The following ANO3 variants were observed in gnomAD, a reference collection of about 807,000 sequenced individuals.
ANO3 encodes the protein anoctamin-3.
ANO3 carries 99 observed loss-of-function variants against 144.8 expected under a neutral mutation model. The observed-to-expected ratio is 0.68, with a 90% CI of 0.58 to 0.81. The LOEUF (loss-of-function observed/expected upper bound fraction) is 0.81, where lower values mean the gene tolerates loss of function less well. Ranked by LOEUF, ANO3 falls within the 30% of genes least tolerant of loss-of-function variation. The pLI, the probability that ANO3 is intolerant of heterozygous loss-of-function variation, is 0.00. For synonymous variants in ANO3, 414 were observed against 392.6 expected (o/e 1.05, Z -0.64); for missense variants, 905 against 1,202.2 (o/e 0.75, Z 3.66).
At chr11:26,509,012 C>CTA (rs1025039986) in intron 5 of ANO3, among the ~76,000 whole-genome samples, 62 of 150,930 alleles carry the variant, frequency 4.1e-4, no homozygotes, top group African/African-American at 1.4e-3. Flanking sequence ...AGTAAATTTT[C>CTA]TATATATATA....
At chr11:26,594,495 C>T (rs113725401) in intron 14 of ANO3, among the ~76,000 whole-genome samples, 23,530 of 152,160 alleles carry the variant, frequency 0.15, 2,104 homozygotes, top group East Asian at 0.33. Context: ...TCTGAGAATT[C>T]ACCTAGGTCT....
rs144188167 is a variant in ANO3, at chr11:26,595,112, C to T, written c.1448-3253C>T. On this transcript the variant is annotated intron_variant, in intron 14 of 26. Coordinates refer to ENST00000256737, the MANE Select transcript of ANO3 (RefSeq NM_031418.4). ...TTTCCAATGAGCTTTAGTCCTAGAG[C>T]GTCCTCTATGGTGTTAATGCTTATT... Among the ~76,000 whole-genome samples the T allele has an allele frequency of 3.6e-4, 55 of 152,302 alleles. 1 individual carries two copies. The East Asian group carries it at 4.8e-3, about 13-fold the overall frequency.
At chr11:26,584,387 G>C (rs1851219435) in intron 14 of ANO3, among the ~76,000 whole-genome samples, 1 of 152,128 alleles carries the variant, frequency 6.6e-6, no homozygotes, top group South Asian at 2.1e-4. Context: ...TCCAACTCTT[G>C]ACCTCTGGTG....
chr11:26,234,117 A>T (rs1433966972), intron 1 of ANO3, among the ~76,000 whole-genome samples: 13 of 152,134 alleles, frequency 8.5e-5, no homozygotes, highest in African/African-American at 3.1e-4. Context: ...AAAAAACAAA[A>T]CAAAACAGTA....
At chr11:26,470,804 A>G (rs1859753771) in intron 4 of ANO3, among the ~76,000 whole-genome samples, 1 of 152,014 alleles carries the variant, frequency 6.6e-6, no homozygotes, top group South Asian at 2.1e-4. Context: ...GTATTCATAG[A>G]TTTAAGCCAT....
rs535153264 is a variant in ANO3, at chr11:26,591,873, C to T, written c.1448-6492C>T. ...GGCAGTATCCAGGGTTTGACTTGAG[C>T]GTGATGTATCCAAGACTCCACTCCA... On this transcript the variant is annotated intron_variant, in intron 14 of 26. Transcript: ENST00000256737. 7.2e-5 allele frequency among the ~76,000 whole-genome samples: 11 copies of T among 151,970 alleles called. No homozygotes were observed. In the East Asian group the frequency reaches 1.6e-3, roughly 21 times the overall value.
At chr11:26,531,782 AAATG>A (rs572549040) in intron 8 of ANO3, among the ~76,000 whole-genome samples, 41 of 152,334 alleles carry the variant, frequency 2.7e-4, no homozygotes, top group Non-Finnish European at 5.3e-4. Context: ...TATTAAACTA[AAATG>A]AATGATAATT....
At chr11:26,544,231 T>C (rs1469166693) in intron 11 of ANO3, among the ~76,000 whole-genome samples, 1 of 123,852 alleles carries the variant, frequency 8.1e-6, no homozygotes, top group Non-Finnish European at 1.7e-5. Flanking sequence ...TTTTTTAAGG[T>C]TAAGTAGTAT....
intron 14 of ANO3, chr11:26,565,586 T>C (rs293980): frequency 0.74 from 1,191,817 of 1,613,086 alleles, 442,911 homozygotes; most frequent in Admixed American, 0.84. Flanking sequence ...GCTCTGCTGA[T>C]GAGTTACTGG....
intron 4 of ANO3, among the ~76,000 whole-genome samples, chr11:26,477,118 G>T (rs1017242087): frequency 2.6e-5 from 4 of 152,064 alleles, no homozygotes; most frequent in African/African-American, 9.7e-5. Context: ...GCACATTTGT[G>T]TGTGCACAGA....
At chr11:26,350,051 G>T (rs1414179512) in intron 1 of ANO3, among the ~76,000 whole-genome samples, 1 of 150,512 alleles carries the variant, frequency 6.6e-6, no homozygotes, top group African/African-American at 2.4e-5. Context: ...GAGGAGACAG[G>T]AACGGAAGGG....
intron 1 of ANO3, among the ~76,000 whole-genome samples, chr11:26,317,522 G>C (rs998196798): frequency 6.6e-6 from 1 of 152,066 alleles, no homozygotes; most frequent in African/African-American, 2.4e-5. Context: ...CATCATCACT[G>C]GTCATTACAG....
chr11:26,636,566 G>T (rs1251138414), intron 20 of ANO3, among the ~76,000 whole-genome samples: 1 of 152,132 alleles, frequency 6.6e-6, no homozygotes, highest in African/African-American at 2.4e-5. Flanking sequence ...CCATTTTACA[G>T]ATCAGGAAAC....
intron 1 of ANO3, among the ~76,000 whole-genome samples, chr11:26,347,808 T>C (rs966476974): frequency 1.8e-4 from 28 of 152,210 alleles, no homozygotes; most frequent in African/African-American, 6.3e-4. Flanking sequence ...TAATCAGTAA[T>C]CCAGGTATTG....
chr11:26,203,338 G>A (rs1356671995), intron 1 of ANO3, among the ~76,000 whole-genome samples: 1 of 152,078 alleles, frequency 6.6e-6, no homozygotes. Context: ...CCTTTTTAGT[G>A]CTTTTTCCAA....
chr11:26,321,974 G>A (rs1854771222), intron 1 of ANO3, among the ~76,000 whole-genome samples: 2 of 151,928 alleles, frequency 1.3e-5, no homozygotes, highest in Non-Finnish European at 2.9e-5. Flanking sequence ...CAACAACAGT[G>A]TTCATGGTTC....
intron 14 of ANO3, among the ~76,000 whole-genome samples, chr11:26,597,275 C>A (rs950809251): frequency 2.0e-5 from 3 of 152,100 alleles, no homozygotes; most frequent in Admixed American, 6.5e-5. Context: ...CTTGGCCTCA[C>A]GGATTCCAAG....
chr11:26,475,410 G>A (rs145021790), intron 4 of ANO3, among the ~76,000 whole-genome samples: 115 of 151,954 alleles, frequency 7.6e-4, no homozygotes, highest in African/African-American at 2.6e-3. Context: ...TGCTCATTGA[G>A]CCAGATTTCA....
At chr11:26,447,312 A>G (rs931458095) in intron 3 of ANO3, among the ~76,000 whole-genome samples, 1 of 151,516 alleles carries the variant, frequency 6.6e-6, no homozygotes, top group African/African-American at 2.4e-5. Context: ...TATACACTTT[A>G]CCTGTCTTAT....
Sources: gnomAD v4.1 joint callset for allele counts (sites outside exome capture counted in the v4.1 genomes callset) on GRCh38, gnomAD v4.1.1 for gene constraint, MANE v1.5 for transcripts, NCBI Gene and HGNC (gene_info 2026-07-23, HGNC 2026-07-21) for gene names.